C2orf92: variants seen among roughly 807,000 people sequenced by gnomAD.
C2orf92 encodes the protein chromosome 2 open reading frame 92, also known as uncharacterized protein C2orf92.
At chr2:97,670,448 C>T (rs1028178608) in intron 1 of C2orf92, 1 of 151,258 alleles carries the variant, frequency 6.6e-6, no homozygotes, top group Non-Finnish European at 1.5e-5. Context: ...GCCGTGATCA[C>T]ACCACTGCAC....
chr2:97,666,134 TTTG>T (rs200897459), upstream of C2orf92, among the ~76,000 whole-genome samples: 47 of 152,004 alleles, frequency 3.1e-4, no homozygotes, highest in East Asian at 7.9e-3. Context: ...ATCTGGACAT[TTTG>T]TTGTTGTAGG....
At chr2:97,688,001 C>G (rs1475627005) in intron 3 of C2orf92, among the ~76,000 whole-genome samples, 1 of 151,606 alleles carries the variant, frequency 6.6e-6, no homozygotes, top group Non-Finnish European at 1.5e-5. Context: ...GTGATTGCAT[C>G]TGAAGATGGG....
intron 1 of C2orf92, among the ~76,000 whole-genome samples, chr2:97,673,915 T>C (rs1175593597): frequency 6.6e-6 from 1 of 152,180 alleles, no homozygotes; most frequent in African/African-American, 2.4e-5. Context: ...CTCTGTACAA[T>C]AATGGGTCAT....
In C2orf92 at chr2:97,672,464, T is replaced by TC. The variant is rs568034396; in HGVS notation, c.47-1987dup. 197 of 152,194 alleles carry TC rather than the reference T, an allele frequency of 1.3e-3. 3 individuals carry two copies. Among genetic ancestry groups the TC allele is most frequent in the African/African-American group, 4.6e-3 (190 of 41,504 alleles). The allele number at this position is 152,194 out of a possible 1,614,324, so 9.4% of individuals were successfully genotyped here. On this transcript the variant is annotated intron_variant, in intron 1 of 7. Transcript: ENST00000627399. ...GAGCAGATGCAGGTAGCACTCGCAG[T>TC]CCCCCTAGCTGTGCCCTCAGCACCT...
intron 1 of C2orf92, among the ~76,000 whole-genome samples, chr2:97,673,794 G>A (rs902756893): frequency 6.6e-6 from 1 of 152,324 alleles, no homozygotes; most frequent in East Asian, 1.9e-4. Flanking sequence ...ACCTCATACT[G>A]TTTCTGTGCA....
rs547580707 is a variant in C2orf92, at chr2:97,684,645, A to C, written c.233-4250A>C. ...ACATTGGACATCATCAAAATTAAAA[A>C]CTGTTGTATATCAAAGGCATTTCTC... On this transcript the variant is annotated intron_variant, in intron 3 of 7. Coordinates refer to ENST00000627399, the MANE Select transcript of C2orf92 (RefSeq NM_001351368.2). 2.0e-5 allele frequency among the ~76,000 whole-genome samples: 3 copies of C among 152,292 alleles called. No homozygotes were observed. In the East Asian group the frequency reaches 5.8e-4, roughly 29 times the overall value.
intron 5 of C2orf92, among the ~76,000 whole-genome samples, chr2:97,691,432 A>T (rs1444222131): frequency 1.3e-5 from 2 of 152,176 alleles, no homozygotes; most frequent in Non-Finnish European, 2.9e-5. Context: ...GGAGTGTGGG[A>T]AAGCGCTGCC....
chr2:97,676,243 C>T (rs1486740642), intron 3 of C2orf92, among the ~76,000 whole-genome samples: 1 of 151,756 alleles, frequency 6.6e-6, no homozygotes, highest in African/African-American at 2.4e-5. Flanking sequence ...ATGAGCCTGG[C>T]CAACATGGTG....
At chr2:97,682,000 A>T (rs1313976202) in intron 3 of C2orf92, among the ~76,000 whole-genome samples, 3 of 152,222 alleles carry the variant, frequency 2.0e-5, no homozygotes, top group African/African-American at 7.2e-5. Flanking sequence ...ATAACAGAAA[A>T]ACAATAGAAG....
intron 1 of C2orf92, 196 bp from the exon 2 acceptor site, chr2:97,674,260 C>T (rs1245007432): frequency 2.6e-6 from 1 of 380,450 alleles, no homozygotes; most frequent in Non-Finnish European, 4.6e-6. Flanking sequence ...GTTTGCTGCC[C>T]CAAATGTCTC....
intron 1 of C2orf92, chr2:97,671,329 A>G (rs1675404338): frequency 3.0e-6 from 1 of 328,486 alleles, no homozygotes. Flanking sequence ...TATTTTTTGT[A>G]GAGTCGGGGG....
At chr2:97,667,937 C>A (rs1438466389), upstream of C2orf92, 2 of 152,102 alleles carry the variant, frequency 1.3e-5, no homozygotes, top group African/African-American at 4.8e-5. Context: ...GCACTTCCAC[C>A]CCTGGGTATT....
chr2:97,702,738 A>G lies in C2orf92; in HGVS notation c.735A>G (p.Glu245=), dbSNP rs1573234220. 5.0e-6 allele frequency: 2 copies of G among 397,658 alleles called. No individual in the cohort carries two copies. The highest frequency in any genetic ancestry group is 7.1e-5 in the East Asian group (2 of 28,080). 24.6% of individuals were successfully genotyped at this position (397,658 alleles called of 1,614,324 possible). ...MDGKTWWHNS[E]EKNFTKLAKK... ...GAAAGACATGGTGGCACAATTCTGA[A>G]GAAAAAAATTTCACAAAACTTGCAA... The change falls in exon 8 of 8, where the codon GAA becomes GAG. Residue 245 remains glutamate (E), a synonymous_variant. Transcript: ENST00000627399.
At chr2:97,674,091 C>T (rs1175503441) in intron 1 of C2orf92, 1 of 178,606 alleles carries the variant, frequency 5.6e-6, no homozygotes, top group African/African-American at 2.4e-5. Context: ...TGGGGGAGGC[C>T]ACTGTGGCTT....
At chr2:97,665,719 CTCTCTCTCTCTCTCTCTCTA>C (rs1461104385), upstream of C2orf92, 6 of 57,458 alleles carry the variant, frequency 1.0e-4, no homozygotes, top group African/African-American at 3.0e-4. Context: ...CTCTCTCTCT[CTCTCTCTCTCTCTCTCTCTA>C]TATATATATA....
chr2:97,701,888 TGTCTACACCCCC>T (rs951181109), intron 7 of C2orf92, among the ~76,000 whole-genome samples: 69 of 152,240 alleles, frequency 4.5e-4, no homozygotes, highest in African/African-American at 1.6e-3. Context: ...GGTCAGTGCC[TGTCTACACCCCC>T]GTCTACACCA....
At chr2:97,688,834 A>G (rs748446792) in intron 3 of C2orf92, 61 bp from the exon 4 acceptor site, 1 of 398,334 alleles carries the variant, frequency 2.5e-6, no homozygotes, top group Non-Finnish European at 4.4e-6. Context: ...AGGTACTTAG[A>G]GAGCAAAATA....
intron 3 of C2orf92, among the ~76,000 whole-genome samples, chr2:97,676,433 C>CAAAAAA (rs1302287547): frequency 6.4e-5 from 2 of 31,118 alleles, no homozygotes; most frequent in South Asian, 1.4e-3. Flanking sequence ...GACTCCATCT[C>CAAAAAA]AAAAAAAAAA....
At chr2:97,701,702 G>GT (rs1252634168) in intron 7 of C2orf92, among the ~76,000 whole-genome samples, 1 of 152,266 alleles carries the variant, frequency 6.6e-6, no homozygotes, top group Non-Finnish European at 1.5e-5. Context: ...TGAGAGCAGG[G>GT]CTGATATTCA....
Sources: gnomAD v4.1 joint callset for allele counts (sites outside exome capture counted in the v4.1 genomes callset) on GRCh38, gnomAD v4.1.1 for gene constraint, MANE v1.5 for transcripts, NCBI Gene and HGNC (gene_info 2026-07-23, HGNC 2026-07-21) for gene names.